The following SLC8A1 variants were observed in gnomAD, a reference collection of about 807,000 sequenced individuals.
SLC8A1 encodes the protein solute carrier family 8 member A1.
Under a neutral mutation model 68.3 loss-of-function variants are expected in SLC8A1, and 18 were observed. The observed-to-expected ratio is 0.26, with a 90% CI of 0.18 to 0.39. The LOEUF is 0.39. Ranked by LOEUF, SLC8A1 falls within the 10% of genes least tolerant of loss-of-function variation. The pLI is 1.00. For synonymous variants in SLC8A1, 475 were observed against 415.5 expected, an observed-to-expected ratio of 1.14 and a Z score of -1.74; for missense variants, 985 against 1,156.7, an observed-to-expected ratio of 0.85 and a Z score of 2.15.
At chr2:40,396,861 T>A (rs1687155413) in intron 2 of SLC8A1, among the ~76,000 whole-genome samples, 1 of 151,592 alleles carries the variant, frequency 6.6e-6, no homozygotes, top group Admixed American at 6.6e-5. Flanking sequence ...ATGACCTGAC[T>A]TTTTGGGTTG....
At chr2:40,252,137 T>G (rs1010849086) in intron 2 of SLC8A1, among the ~76,000 whole-genome samples, 16 of 152,202 alleles carry the variant, frequency 1.1e-4, no homozygotes, top group Admixed American at 1.3e-4. Context: ...AAATTTTCTA[T>G]AATGTGGTTG....
chr2:40,153,214 G>C (rs560079162), intron 6 of SLC8A1, among the ~76,000 whole-genome samples: 95 of 152,190 alleles, frequency 6.2e-4, no homozygotes, highest in African/African-American at 2.1e-3. Context: ...AAGCAAGTTG[G>C]CATTTTATTT....
intron 6 of SLC8A1, among the ~76,000 whole-genome samples, chr2:40,154,201 C>G (rs547690381): frequency 6.6e-6 from 1 of 150,900 alleles, no homozygotes; most frequent in African/African-American, 2.4e-5. Context: ...AGGTGAAGAA[C>G]AGAAATAATG....
intron 2 of SLC8A1, among the ~76,000 whole-genome samples, chr2:40,409,109 C>T (rs956216598): frequency 6.6e-6 from 1 of 152,094 alleles, no homozygotes; most frequent in East Asian, 1.9e-4. Flanking sequence ...TAGTCATTTA[C>T]ATTTTGAGAC....
intron 2 of SLC8A1, among the ~76,000 whole-genome samples, chr2:40,417,229 G>A (rs142499724): frequency 6.6e-6 from 1 of 151,996 alleles, no homozygotes; most frequent in African/African-American, 2.4e-5. Context: ...TAAACTGCAT[G>A]TCATGGGGGT....
At chr2:40,266,078 G>T (rs1453192059) in intron 2 of SLC8A1, among the ~76,000 whole-genome samples, 2 of 152,130 alleles carry the variant, frequency 1.3e-5, no homozygotes, top group Non-Finnish European at 2.9e-5. Context: ...TTAGGTTTTT[G>T]TTCCCCCAGA....
intron 2 of SLC8A1, among the ~76,000 whole-genome samples, chr2:40,370,751 C>G (rs892466191): frequency 6.6e-6 from 1 of 152,002 alleles, no homozygotes; most frequent in African/African-American, 2.4e-5. Flanking sequence ...CAGTATTTTA[C>G]AATTTACAAA....
intron 2 of SLC8A1, among the ~76,000 whole-genome samples, chr2:40,284,865 A>G (rs1162869404): frequency 1.3e-5 from 2 of 152,200 alleles, no homozygotes; most frequent in South Asian, 2.1e-4. Flanking sequence ...TTCAAGAGGT[A>G]AAAGGAGCTG....
At chr2:40,306,790 G>A (rs1006794893) in intron 2 of SLC8A1, among the ~76,000 whole-genome samples, 11 of 152,138 alleles carry the variant, frequency 7.2e-5, no homozygotes, top group African/African-American at 2.7e-4. Flanking sequence ...TTGGCCAGGT[G>A]AAGTAACATT....
At chr2:40,284,925 T>C (rs1315930846) in intron 2 of SLC8A1, among the ~76,000 whole-genome samples, 1 of 152,124 alleles carries the variant, frequency 6.6e-6, no homozygotes, top group Non-Finnish European at 1.5e-5. Context: ...CTGATGGTTA[T>C]CTGAGCAGGC....
At chr2:40,274,944 C>T (rs897138853) in intron 2 of SLC8A1, among the ~76,000 whole-genome samples, 2 of 152,242 alleles carry the variant, frequency 1.3e-5, no homozygotes, top group African/African-American at 2.4e-5. Context: ...ATTATAATGG[C>T]ACAGACTGCC....
intron 2 of SLC8A1, among the ~76,000 whole-genome samples, chr2:40,281,219 A>T (rs2067467369): frequency 6.6e-6 from 1 of 152,000 alleles, no homozygotes; most frequent in Non-Finnish European, 1.5e-5. Flanking sequence ...AAAGAATTTC[A>T]TTCCTGAGAC....
At chr2:40,184,715 C>T (rs2050319721) in intron 2 of SLC8A1, among the ~76,000 whole-genome samples, 1 of 152,116 alleles carries the variant, frequency 6.6e-6, no homozygotes, top group South Asian at 2.1e-4. Flanking sequence ...GGAACTGGAA[C>T]TTTCCCACAT....
intron 2 of SLC8A1, among the ~76,000 whole-genome samples, chr2:40,196,678 C>T (rs535058783): frequency 1.1e-4 from 16 of 152,142 alleles, no homozygotes; most frequent in Non-Finnish European, 1.9e-4. Flanking sequence ...GGTTAAGAGG[C>T]TTAACAGCAA....
chr2:40,244,006 T>C (rs895043847), intron 2 of SLC8A1, among the ~76,000 whole-genome samples: 1 of 151,908 alleles, frequency 6.6e-6, no homozygotes, highest in Non-Finnish European at 1.5e-5. Context: ...CTGAGGGGTC[T>C]AGGGTCTGGG....
chr2:40,504,941 A>G (rs1436331633), intron 1 of SLC8A1, among the ~76,000 whole-genome samples: 1 of 151,924 alleles, frequency 6.6e-6, no homozygotes, highest in African/African-American at 2.4e-5. Context: ...TTAATCCAGT[A>G]ATTCCACTGC....
intron 2 of SLC8A1, among the ~76,000 whole-genome samples, chr2:40,188,687 A>G (rs1396705279): frequency 2.0e-5 from 3 of 152,230 alleles, no homozygotes; most frequent in African/African-American, 4.8e-5. Context: ...TGCTGAAAGC[A>G]TCTCTGTCAG....
chr2:40,234,478 A>G (rs976427661), intron 2 of SLC8A1, among the ~76,000 whole-genome samples: 3 of 152,142 alleles, frequency 2.0e-5, no homozygotes, highest in African/African-American at 7.2e-5. Flanking sequence ...GAAGTTGCTT[A>G]TCAGCTTAAG....
At chr2:40,125,552 T>C (rs1369969466) in intron 7 of SLC8A1, among the ~76,000 whole-genome samples, 2 of 152,198 alleles carry the variant, frequency 1.3e-5, no homozygotes, top group Non-Finnish European at 2.9e-5. Context: ...TTATATTTTG[T>C]GCTACAAATA....
Sources: allele counts gnomAD v4.1 joint callset (sites outside exome capture counted in the v4.1 genomes callset), GRCh38; gene constraint gnomAD v4.1.1; transcripts MANE v1.5; gene names NCBI Gene and HGNC (gene_info 2026-07-23, HGNC 2026-07-21).